NUCB2: variants seen among roughly 807,000 people sequenced by gnomAD.
The protein encoded by NUCB2 is nucleobindin-2.
NUCB2 carries 48 observed loss-of-function variants against 57.9 expected under a neutral mutation model. The ratio of observed to expected loss-of-function variants is 0.83; its 90% confidence interval spans 0.66 to 1.05. The LOEUF (loss-of-function observed/expected upper bound fraction) is 1.05, where lower values mean the gene tolerates loss of function less well. Among genes scored for constraint, NUCB2 ranks in the 50% least tolerant of loss-of-function variants. NUCB2 has a pLI of 0.00. For synonymous variants in NUCB2, 139 were observed against 152.1 expected, an observed-to-expected ratio of 0.91 and a Z score of 0.64; for missense variants, 442 against 476.2, an observed-to-expected ratio of 0.93 and a Z score of 0.67.
At chr11:17,280,515 C>G (rs1405583645) in intron 1 of NUCB2, among the ~76,000 whole-genome samples, 1 of 152,140 alleles carries the variant, frequency 6.6e-6, no homozygotes, top group Non-Finnish European at 1.5e-5. Flanking sequence ...TTTTCTTCAC[C>G]CTACCCTGTT....
intron 5 of NUCB2, among the ~76,000 whole-genome samples, chr11:17,302,411 A>G (rs1483600259): frequency 1.3e-5 from 2 of 152,196 alleles, no homozygotes. Context: ...CAATTAAACA[A>G]CTGGTTTAAA....
At chr11:17,288,961 A>ATTT (rs1290958369) in intron 2 of NUCB2, among the ~76,000 whole-genome samples, 1,983 of 56,384 alleles carry the variant, frequency 0.035, 414 homozygotes, top group African/African-American at 0.12. Context: ...ATATATATAT[A>ATTT]TATTTTTTTT....
downstream of NUCB2, among the ~76,000 whole-genome samples, chr11:17,335,337 G>A (rs1162544428): frequency 6.6e-6 from 1 of 152,046 alleles, no homozygotes; most frequent in Non-Finnish European, 1.5e-5. Flanking sequence ...GTAATTTCTT[G>A]AAATGCTTTT....
chr11:17,341,135 A>G (rs1176246895), intron 2 of NUCB2, among the ~76,000 whole-genome samples: 1 of 152,158 alleles, frequency 6.6e-6, no homozygotes, highest in Non-Finnish European at 1.5e-5. Context: ...TTGGTGTATA[A>G]GAATGCTTGT....
At position 17,285,934 on chromosome 11, in the gene NUCB2, T is replaced by TACACACACACAC. The variant is rs140090235; in HGVS notation, c.-1+3013_-1+3024dup. Among the ~76,000 whole-genome samples, 25 of 143,536 alleles carry TACACACACACAC rather than the reference T, an allele frequency of 1.7e-4. No individual in the cohort carries two copies. In the East Asian group the frequency reaches 2.6e-3, roughly 15 times the overall value. 94.2% of individuals were successfully genotyped at this position (143,536 alleles called of 152,430 possible). On this transcript the variant is annotated intron_variant, in intron 2 of 13. Coordinates refer to ENST00000529010, the MANE Select transcript of NUCB2 (RefSeq NM_005013.4). ...ACACATACATGCGCGCACGTGTGCG[T>TACACACACACAC]ACACACACACACACACACACACACA... is the stretch of plus-strand genomic sequence containing the variant.
Position 17,276,768 on chromosome 11 carries a change from G to A in NUCB2, c.-216G>A, listed in dbSNP as rs576814910. On this transcript the variant is annotated 5_prime_UTR_variant, in exon 1 of 14. Transcript: ENST00000529010. ...CGGAGCGGTGGGCCGGGGGCTGGAGGACAGGTTTGTGCGCTGGACGCAAGC... is the reference window on the plus strand; with the variant it reads ...CGGAGCGGTGGGCCGGGGGCTGGAGAACAGGTTTGTGCGCTGGACGCAAGC... The A allele has an allele frequency of 0.013, 1,917 of 152,794 alleles. 69 individuals carry two copies. The highest frequency in any genetic ancestry group is 9.0e-3 in the Non-Finnish European group (615 of 68,448). The allele number at this position is 152,794 out of a possible 1,614,324, so 9.5% of individuals were successfully genotyped here.
chr11:17,279,021 C>T (rs932626925), intron 1 of NUCB2, among the ~76,000 whole-genome samples: 6 of 152,060 alleles, frequency 3.9e-5, no homozygotes, highest in Non-Finnish European at 8.8e-5. Context: ...GGTGAAACCC[C>T]GTCTTTACTA....
downstream of NUCB2, among the ~76,000 whole-genome samples, chr11:17,335,994 A>G (rs1269251519): frequency 6.6e-6 from 1 of 152,226 alleles, no homozygotes; most frequent in African/African-American, 2.4e-5. Flanking sequence ...ATTTTATAAT[A>G]TACTTAAGTA....
At chr11:17,306,781 G>T (rs1947712889) in intron 5 of NUCB2, among the ~76,000 whole-genome samples, 1 of 152,036 alleles carries the variant, frequency 6.6e-6, no homozygotes. Flanking sequence ...AGCCAGATGT[G>T]GTGGCATGTG....
At chr11:17,304,413 C>T (rs149363524) in intron 5 of NUCB2, among the ~76,000 whole-genome samples, 10 of 152,136 alleles carry the variant, frequency 6.6e-5, no homozygotes, top group African/African-American at 2.2e-4. Context: ...AGGCTGGTCT[C>T]GAACTCCTGA....
chr11:17,307,263 C>T (rs1947814247), intron 5 of NUCB2, among the ~76,000 whole-genome samples: 1 of 150,022 alleles, frequency 6.7e-6, no homozygotes, highest in South Asian at 2.1e-4. Flanking sequence ...ATTTTTGTAT[C>T]CTGTCAGTTC....
intron 2 of NUCB2, among the ~76,000 whole-genome samples, chr11:17,340,753 C>G (rs1450109410): frequency 6.6e-6 from 1 of 152,028 alleles, no homozygotes; most frequent in Non-Finnish European, 1.5e-5. Context: ...GTTACTGTAG[C>G]CTGATGCCTC....
At chr11:17,284,423 T>C (rs947108516) in intron 2 of NUCB2, among the ~76,000 whole-genome samples, 2 of 152,128 alleles carry the variant, frequency 1.3e-5, no homozygotes, top group Non-Finnish European at 2.9e-5. Flanking sequence ...CTGAAATAAA[T>C]AGCTTTGAGA....
At chr11:17,345,609 A>G (rs1024335836) in intron 2 of NUCB2, among the ~76,000 whole-genome samples, 1 of 152,168 alleles carries the variant, frequency 6.6e-6, no homozygotes, top group Non-Finnish European at 1.5e-5. Context: ...CAGGAGGCTG[A>G]GGCAGGAGAA....
At chr11:17,331,165 G>A (rs1951356193) in intron 13 of NUCB2, 182 bp downstream of exon 13, 1 of 577,044 alleles carries the variant, frequency 1.7e-6, no homozygotes, top group African/African-American at 1.9e-5. Context: ...GTTTTATGTA[G>A]CAGCAAATTT....
chr11:17,324,677 G>T (rs1025889166), intron 11 of NUCB2, among the ~76,000 whole-genome samples: 8 of 151,942 alleles, frequency 5.3e-5, no homozygotes, highest in Non-Finnish European at 1.0e-4. Context: ...CAAGTGATCC[G>T]CCCACCTTGG....
chr11:17,315,322 G>A (rs1345661736), intron 10 of NUCB2, 64 bp from the exon 11 acceptor site: 1 of 835,342 alleles, frequency 1.2e-6, no homozygotes, highest in South Asian at 2.1e-5. Context: ...CAAGACAGTT[G>A]ATAGTGTCTA....
chr11:17,325,092 C>T (rs557711418), intron 11 of NUCB2, among the ~76,000 whole-genome samples: 5 of 152,258 alleles, frequency 3.3e-5, no homozygotes, highest in African/African-American at 9.6e-5. Flanking sequence ...CTTGGGCCAC[C>T]GTGCCTGGCC....
intron 4 of NUCB2, among the ~76,000 whole-genome samples, 186 bp from the exon 5 acceptor site, chr11:17,301,558 C>T (rs1490215315): frequency 1.3e-5 from 2 of 152,104 alleles, no homozygotes; most frequent in Non-Finnish European, 2.9e-5. Context: ...GGATTACAGG[C>T]GTGAGCCACC....
Sources: gnomAD v4.1 joint callset for allele counts (sites outside exome capture counted in the v4.1 genomes callset) on GRCh38, gnomAD v4.1.1 for gene constraint, MANE v1.5 for transcripts, NCBI Gene and HGNC (gene_info 2026-07-23, HGNC 2026-07-21) for gene names.